The following NDUFAF2 variants were observed in gnomAD, a reference collection of about 807,000 sequenced individuals.
The protein encoded by NDUFAF2 is NADH:ubiquinone oxidoreductase complex assembly factor 2, also known as NADH dehydrogenase [ubiquinone] 1 alpha subcomplex assembly factor 2.
NDUFAF2 carries 13 observed loss-of-function variants against 22.8 expected under a neutral mutation model. That is an observed-to-expected ratio of 0.57 (90% confidence interval 0.37 to 0.91). NDUFAF2 has a LOEUF of 0.91. NDUFAF2 is among the 40% of genes least tolerant of loss of function. The pLI is 0.01. For synonymous variants in NDUFAF2, 53 were observed against 64.2 expected, an observed-to-expected ratio of 0.83 and a Z score of 0.84; for missense variants, 162 against 195.2, an observed-to-expected ratio of 0.83 and a Z score of 1.01.
intron 1 of NDUFAF2, among the ~76,000 whole-genome samples, chr5:60,990,186 G>C (rs886164004): frequency 1.1e-4 from 16 of 152,192 alleles, no homozygotes; most frequent in African/African-American, 3.9e-4. Context: ...GTTGTTAATG[G>C]TTGCAAAAAT....
At chr5:61,002,033 T>C (rs985045966) in intron 1 of NDUFAF2, among the ~76,000 whole-genome samples, 4 of 152,072 alleles carry the variant, frequency 2.6e-5, no homozygotes, top group African/African-American at 9.7e-5. Context: ...GCTGCCTACA[T>C]GGATCAGCTC....
chr5:61,040,284 A>ACGCGCGCGCGCGCGCGCG (rs1297710611), intron 1 of NDUFAF2, among the ~76,000 whole-genome samples: 3 of 87,218 alleles, frequency 3.4e-5, no homozygotes, highest in African/African-American at 1.6e-4. Flanking sequence ...ACACACACAC[A>ACGCGCGCGCGCGCGCGCG]CACGCGCGCG....
chr5:60,961,169 G>A (rs112984969), intron 1 of NDUFAF2, among the ~76,000 whole-genome samples: 3,662 of 152,230 alleles, frequency 0.024, 63 homozygotes, highest in Non-Finnish European at 0.037. Context: ...AAAATTTACT[G>A]TATAACTTGG....
chr5:61,078,142 C>T (rs533580207), intron 2 of NDUFAF2, among the ~76,000 whole-genome samples: 1 of 152,240 alleles, frequency 6.6e-6, no homozygotes, highest in East Asian at 1.9e-4. Flanking sequence ...CTCCTCCAAT[C>T]ATGACATTTA....
intron 1 of NDUFAF2, among the ~76,000 whole-genome samples, chr5:61,018,799 A>G (rs1751543231): frequency 6.6e-6 from 1 of 152,140 alleles, no homozygotes. Flanking sequence ...TGAATTTTAT[A>G]CTAGAGATTA....
intron 1 of NDUFAF2, among the ~76,000 whole-genome samples, chr5:61,003,356 C>A (rs1195102275): frequency 6.6e-6 from 1 of 151,858 alleles, no homozygotes; most frequent in Non-Finnish European, 1.5e-5. Flanking sequence ...GCTGAAATGG[C>A]AAAAATGTTT....
At chr5:60,950,166 GA>G (rs1750524496) in intron 1 of NDUFAF2, among the ~76,000 whole-genome samples, 1 of 152,016 alleles carries the variant, frequency 6.6e-6, no homozygotes, top group South Asian at 2.1e-4. Context: ...CCATATCTTA[GA>G]AGAAAAACAT....
In NDUFAF2 at chr5:60,945,270, G is replaced by C. The variant is rs777941497; in HGVS notation, c.15G>C (p.Gln5His). 1 of 1,613,542 alleles carries C rather than the reference G, an allele frequency of 6.2e-7. No individual in the cohort carries two copies. The highest frequency in any genetic ancestry group is 1.1e-5 in the South Asian group (1 of 90,980). Residue 5 changes from glutamine (Q) to histidine (H), a missense_variant, in exon 1 of 4, where the codon CAG (glutamine) becomes CAC (histidine). Physicochemically the swap from Gln to His is conservative, Grantham distance 24. This residue lies in a region of NDUFAF2 where 94 missense variants were observed against 85.2 expected (regional missense o/e 1.10). Transcript: ENST00000296597. MGWS[Q>H]DLFRALWRSL... ...GGGTGGACGGCATGGGTTGGTCTCA[G>C]GATTTGTTCCGCGCCTTGTGGAGAT...
chr5:61,094,737 G>A (rs918938092), intron 2 of NDUFAF2, among the ~76,000 whole-genome samples: 1 of 152,092 alleles, frequency 6.6e-6, no homozygotes, highest in African/African-American at 2.4e-5. Context: ...CAGTTTTCTG[G>A]GGATCCACTC....
chr5:61,029,194 T>C (rs1313436099), intron 1 of NDUFAF2, among the ~76,000 whole-genome samples: 4 of 152,126 alleles, frequency 2.6e-5, no homozygotes, highest in Non-Finnish European at 5.9e-5. Context: ...ATACTGATAA[T>C]AGGATAGGCT....
intron 1 of NDUFAF2, among the ~76,000 whole-genome samples, chr5:61,034,168 G>A (rs1258321367): frequency 6.6e-6 from 1 of 152,136 alleles, no homozygotes; most frequent in Non-Finnish European, 1.5e-5. Context: ...AAGAGGAATG[G>A]AAAGATCTTT....
In NDUFAF2 at chr5:61,152,948, A is replaced by G. The variant is rs552253221; in HGVS notation, c.503A>G (p.Asn168Ser). Residue 168 changes from asparagine (N) to serine (S), a missense_variant, in exon 4 of 4, where the codon AAT becomes AGT. Asn to Ser is a conservative substitution (Grantham distance 46, BLOSUM62 1). Coordinates refer to ENST00000296597, the MANE Select transcript of NDUFAF2 (RefSeq NM_174889.5). ...ATGCCACGAGATGGCAAGAGCCACA[A>G]TCAATGAATGCATTATGGTCAAATC... ...SWMPRDGKSHNQ is the reference protein window; with the variant it reads ...SWMPRDGKSHSQ 5.6e-6 allele frequency: 9 copies of G among 1,613,846 alleles called. No individual in the cohort carries two copies. The African/African-American group carries it at 1.2e-4, about 22-fold the overall frequency.
At chr5:60,965,065 A>G (rs188281582) in intron 1 of NDUFAF2, among the ~76,000 whole-genome samples, 27 of 152,268 alleles carry the variant, frequency 1.8e-4, no homozygotes, top group African/African-American at 6.3e-4. Context: ...GAATTTCCCC[A>G]AACACACTAA....
intron 1 of NDUFAF2, among the ~76,000 whole-genome samples, chr5:60,946,579 A>G (rs553709753): frequency 1.3e-5 from 2 of 152,344 alleles, no homozygotes; most frequent in South Asian, 4.1e-4. Flanking sequence ...ACAGGTTGCA[A>G]GCAGAGAGAT....
chr5:61,134,662 G>C (rs1242803969), intron 3 of NDUFAF2, among the ~76,000 whole-genome samples: 1 of 152,028 alleles, frequency 6.6e-6, no homozygotes, highest in African/African-American at 2.4e-5. Context: ...CTCCAGCCTG[G>C]GTGACAGAGT....
intron 1 of NDUFAF2, among the ~76,000 whole-genome samples, chr5:60,967,363 T>C: frequency 6.6e-6 from 1 of 152,048 alleles, no homozygotes; most frequent in Non-Finnish European, 1.5e-5. Context: ...CTTGCTAGTA[T>C]TTCTGGTACT....
At chr5:60,945,507 T>A in intron 1 of NDUFAF2, 125 bp downstream of exon 1, 1 of 1,396,002 alleles carries the variant, frequency 7.2e-7, no homozygotes, top group Admixed American at 1.8e-5. Context: ...CGGAGAGAAT[T>A]TCCCGAGTTC....
At chr5:60,956,137 G>C (rs1260614867) in intron 1 of NDUFAF2, among the ~76,000 whole-genome samples, 7 of 152,094 alleles carry the variant, frequency 4.6e-5, no homozygotes, top group African/African-American at 1.7e-4. Context: ...CTGGGCTCAA[G>C]TGATCCACCT....
At chr5:61,039,424 A>G (rs1373501534) in intron 1 of NDUFAF2, among the ~76,000 whole-genome samples, 1 of 152,182 alleles carries the variant, frequency 6.6e-6, no homozygotes, top group Non-Finnish European at 1.5e-5. Flanking sequence ...CATGAATGCT[A>G]TCTTTTTTAG....
Sources: allele counts gnomAD v4.1 joint callset (sites outside exome capture counted in the v4.1 genomes callset), GRCh38; gene constraint gnomAD v4.1.1; regional missense constraint gnomAD v4.1.1; transcripts MANE v1.5; gene names NCBI Gene and HGNC (gene_info 2026-07-23, HGNC 2026-07-21).